Variants in F13A1 observed in about 807,000 individuals in gnomAD.
F13A1 encodes the protein coagulation factor XIII A chain.
Under a neutral mutation model 80.1 loss-of-function variants are expected in F13A1, and 47 were observed. The observed-to-expected ratio is 0.59, with a 90% CI of 0.46 to 0.75. The LOEUF is 0.75. F13A1 is among the 30% of genes least tolerant of loss of function. The pLI is 0.00. For missense variants in F13A1, 817 were observed against 930.4 expected (o/e 0.88, Z 1.59); for synonymous variants, 349 against 344.9 (o/e 1.01, Z -0.13).
At chr6:6,206,317 A>T (rs1223088833) in intron 8 of F13A1, 1 of 363,784 alleles carries the variant, frequency 2.7e-6, no homozygotes, top group East Asian at 7.3e-5. Flanking sequence ...GTTTCTAATT[A>T]CTTTAAAACT....
chr6:6,318,823 A>G (rs972457805), intron 1 of F13A1, 141 bp from the exon 2 acceptor site: 2 of 828,086 alleles, frequency 2.4e-6, no homozygotes, highest in Non-Finnish European at 3.8e-6. Flanking sequence ...TTGCATAAAT[A>G]AAAACTGAGA....
chr6:6,317,062 C>T (rs1461299198), intron 2 of F13A1, among the ~76,000 whole-genome samples: 1 of 152,224 alleles, frequency 6.6e-6, no homozygotes, highest in African/African-American at 2.4e-5. Context: ...CCCACTTCTT[C>T]CAGTGCCTAC....
rs1238985012 is a variant in F13A1 at position 6,145,730 on chromosome 6, G to A, written c.2088C>T (p.Cys696=). Residue 696 remains cysteine (C), a synonymous_variant, in exon 15 of 15, where the codon TGC becomes TGT. Coordinates refer to ENST00000264870, the MANE Select transcript of F13A1 (RefSeq NM_000129.4). ...PNSTVQWEEV[C]RPWVSGHRKL... is the part of the protein sequence containing the mutation. ...TCCGATGCCCAGAGACCCAGGGCCG[G>A]CACACTTCTTCCCACTGCACGGTGG... The A allele has an allele frequency of 6.2e-7, 1 of 1,614,126 alleles. No individual in the cohort carries two copies. The highest frequency in any genetic ancestry group is 8.5e-7 in the Non-Finnish European group (1 of 1,180,004).
At chr6:6,206,996 G>A (rs555950272) in intron 8 of F13A1, among the ~76,000 whole-genome samples, 1 of 151,826 alleles carries the variant, frequency 6.6e-6, no homozygotes, top group Non-Finnish European at 1.5e-5. Context: ...CTCCTCCATA[G>A]AGCAATGAGA....
At chr6:6,150,608 T>A (rs1009940630) in intron 14 of F13A1, among the ~76,000 whole-genome samples, 3 of 151,904 alleles carry the variant, frequency 2.0e-5, no homozygotes, top group African/African-American at 7.3e-5. Flanking sequence ...GATTCCAGAG[T>A]GGGGTCGCTT....
intron 12 of F13A1, among the ~76,000 whole-genome samples, chr6:6,174,298 G>A (rs568809623): frequency 1.5e-3 from 235 of 152,268 alleles, no homozygotes; most frequent in African/African-American, 5.6e-3. Flanking sequence ...GCTGAGGCAG[G>A]AGGATTGCTT....
chr6:6,177,599 C>T (rs895928555), intron 11 of F13A1, among the ~76,000 whole-genome samples: 1 of 152,216 alleles, frequency 6.6e-6, no homozygotes, highest in African/African-American at 2.4e-5. Context: ...ATTTTATGTT[C>T]AACTAAGCCT....
intron 13 of F13A1, among the ~76,000 whole-genome samples, chr6:6,159,844 G>A (rs1402103007): frequency 2.6e-5 from 4 of 152,088 alleles, no homozygotes; most frequent in African/African-American, 9.7e-5. Flanking sequence ...TTTGCAAGAG[G>A]AGCACCCCAG....
intron 2 of F13A1, among the ~76,000 whole-genome samples, chr6:6,316,077 G>GTGTA (rs1758675745): frequency 4.4e-4 from 22 of 49,648 alleles, no homozygotes; most frequent in Admixed American, 1.2e-3. Flanking sequence ...ATGTGTGTGT[G>GTGTA]CATATATATA....
At chr6:6,201,581 C>T (rs2151083919) in intron 8 of F13A1, among the ~76,000 whole-genome samples, 1 of 152,218 alleles carries the variant, frequency 6.6e-6, no homozygotes, top group East Asian at 1.9e-4. Context: ...TCCTAAGCCA[C>T]CCGTGCCTCA....
chr6:6,292,086 C>T (rs1758231498), intron 3 of F13A1, among the ~76,000 whole-genome samples: 1 of 152,176 alleles, frequency 6.6e-6, no homozygotes, highest in African/African-American at 2.4e-5. Flanking sequence ...GGGTAAATTA[C>T]TTAATCCTTT....
intron 12 of F13A1, chr6:6,169,302 G>C (rs906915080): frequency 6.5e-6 from 1 of 153,238 alleles, no homozygotes; most frequent in East Asian, 1.9e-4. Context: ...TTCCTCCTGC[G>C]GTCTGCACAC....
intron 3 of F13A1, among the ~76,000 whole-genome samples, chr6:6,294,878 A>G (rs9504747): frequency 0.04 from 5,537 of 139,424 alleles, 335 homozygotes; most frequent in African/African-American, 0.13. Flanking sequence ...ATATCTCCCA[A>G]TGCTATCCCT....
At chr6:6,146,458 T>G (rs1308253658) in intron 14 of F13A1, among the ~76,000 whole-genome samples, 1 of 152,174 alleles carries the variant, frequency 6.6e-6, no homozygotes, top group East Asian at 1.9e-4. Context: ...TGTTCTCCTC[T>G]TCCTCCCAGC....
chr6:6,248,961 G>T (rs1757593100), intron 5 of F13A1, among the ~76,000 whole-genome samples: 1 of 152,310 alleles, frequency 6.6e-6, no homozygotes, highest in Admixed American at 6.5e-5. Flanking sequence ...AGACAAGGTG[G>T]ACCCCAGGAT....
intron 2 of F13A1, 121 bp from the exon 3 acceptor site, chr6:6,305,660 T>C: frequency 1.1e-6 from 1 of 917,870 alleles, no homozygotes; most frequent in Non-Finnish European, 1.7e-6. Flanking sequence ...TGAATGAAAC[T>C]CTGTAGGAGG....
At chr6:6,298,121 T>A (rs1295616445) in intron 3 of F13A1, among the ~76,000 whole-genome samples, 1 of 148,852 alleles carries the variant, frequency 6.7e-6, no homozygotes, top group Non-Finnish European at 1.5e-5. Flanking sequence ...GATAGTTTGT[T>A]ATAATTTCTG....
chr6:6,306,167 A>T (rs1056875888), intron 2 of F13A1, among the ~76,000 whole-genome samples: 1 of 152,224 alleles, frequency 6.6e-6, no homozygotes, highest in East Asian at 1.9e-4. Flanking sequence ...TAAGATTTCC[A>T]TGAGATAAGT....
intron 4 of F13A1, among the ~76,000 whole-genome samples, chr6:6,262,276 C>G (rs966885238): frequency 6.6e-6 from 1 of 152,170 alleles, no homozygotes; most frequent in Non-Finnish European, 1.5e-5. Context: ...GTGCTCCAAG[C>G]GTGGTGACCA....
Sources: gnomAD v4.1 joint callset for allele counts (sites outside exome capture counted in the v4.1 genomes callset) on GRCh38, gnomAD v4.1.1 for gene constraint, MANE v1.5 for transcripts, NCBI Gene and HGNC (gene_info 2026-07-23, HGNC 2026-07-21) for gene names.